INIP: variants seen among roughly 807,000 people sequenced by gnomAD.
INIP encodes the protein INTS3 and NABP interacting protein.
Under a neutral mutation model 14.0 loss-of-function variants are expected in INIP, and 9 were observed. That is an observed-to-expected ratio of 0.64 (90% CI 0.39 to 1.12). The LOEUF (loss-of-function observed/expected upper bound fraction) is 1.12, where lower values mean the gene tolerates loss of function less well. Among genes scored for constraint, INIP ranks in the 50% most tolerant of loss-of-function variants. The pLI, the probability that INIP is intolerant of heterozygous loss-of-function variation, is 0.01. For synonymous variants in INIP, 37 were observed against 41.5 expected (o/e 0.89, Z 0.41); for missense variants, 78 against 122.7 (o/e 0.64, Z 1.72).
intron 3 of INIP, among the ~76,000 whole-genome samples, chr9:112,692,108 TA>T (rs1462805878): frequency 2.0e-5 from 3 of 152,234 alleles, no homozygotes; most frequent in Non-Finnish European, 4.4e-5. Context: ...CTGCCAGATT[TA>T]ACCCGGGAAG....
intron 2 of INIP, chr9:112,701,870 C>T (rs1005357048): frequency 2.7e-5 from 4 of 149,966 alleles, no homozygotes; most frequent in Non-Finnish European, 5.9e-5. Flanking sequence ...GGCAACACAG[C>T]GAGACCTTGT....
chr9:112,696,548 A>G (rs79567860), intron 2 of INIP, among the ~76,000 whole-genome samples: 1 of 152,200 alleles, frequency 6.6e-6, no homozygotes, highest in Non-Finnish European at 1.5e-5. Flanking sequence ...CTATAATTCA[A>G]TTCTGATACT....
chr9:112,710,740 A>G (rs1838622260), intron 2 of INIP, among the ~76,000 whole-genome samples: 1 of 152,250 alleles, frequency 6.6e-6, no homozygotes, highest in Admixed American at 6.5e-5. Context: ...TTACATTAAT[A>G]AATTACAACA....
chr9:112,701,667 T>C (rs1037920970), intron 2 of INIP: 1 of 152,188 alleles, frequency 6.6e-6, no homozygotes, highest in Non-Finnish European at 1.5e-5. Context: ...TATTGTCAAC[T>C]AAAGGACAAG....
chr9:112,698,303 C>CAA (rs755265359), intron 2 of INIP, among the ~76,000 whole-genome samples: 3,093 of 43,348 alleles, frequency 0.071, 247 homozygotes, highest in East Asian at 0.093. Context: ...GACTCTGTCT[C>CAA]AAAAAAAAAA....
At chr9:112,694,540 A>C (rs1259127449) in intron 2 of INIP, among the ~76,000 whole-genome samples, 5 of 152,242 alleles carry the variant, frequency 3.3e-5, no homozygotes, top group African/African-American at 1.2e-4. Flanking sequence ...CCAAGGTATA[A>C]GTTACAGCAT....
At chr9:112,717,243 C>T (rs1838853872) in intron 1 of INIP, among the ~76,000 whole-genome samples, 2 of 152,162 alleles carry the variant, frequency 1.3e-5, no homozygotes, top group African/African-American at 4.8e-5. Context: ...TACCCAAAAA[C>T]TACTGTGTAC....
chr9:112,707,240 C>CT (rs745697280), intron 2 of INIP, among the ~76,000 whole-genome samples: 2,504 of 124,256 alleles, frequency 0.02, 27 homozygotes, highest in East Asian at 0.035. Context: ...TGCCCGGCCT[C>CT]TTTTTTTTTT....
chr9:112,712,501 C>A (rs965649484), intron 2 of INIP, among the ~76,000 whole-genome samples: 1 of 151,940 alleles, frequency 6.6e-6, no homozygotes, highest in Admixed American at 6.5e-5. Context: ...TCAACAAAAA[C>A]CAACTCCAAG....
intron 2 of INIP, among the ~76,000 whole-genome samples, chr9:112,711,810 A>T (rs1838656520): frequency 6.6e-6 from 1 of 152,226 alleles, no homozygotes; most frequent in South Asian, 2.1e-4. Context: ...CTATAATTCT[A>T]CGAAACTCAT....
In INIP at chr9:112,686,273, A is replaced by G. The variant is rs570594298; in HGVS notation, c.*1265T>C. 190 of 152,276 alleles carry G rather than the reference A, an allele frequency of 1.2e-3. 3 individuals carry two copies. Among genetic ancestry groups the G allele is most frequent in the African/African-American group, 4.5e-3 (186 of 41,552 alleles). The allele number at this position is 152,276 out of a possible 1,614,324, so 9.4% of individuals were successfully genotyped here. A position where few individuals can be genotyped will look rare whatever the true frequency, so the allele number is the denominator to read the frequency against. On this transcript the variant is annotated 3_prime_UTR_variant, in exon 5 of 5. Coordinates refer to ENST00000374242, the MANE Select transcript of INIP (RefSeq NM_021218.3). ...GATCTACAAACCCATGCGTGTATAA[A>G]TATATCACGAAAATCTGTACAAGAT... is the stretch of plus-strand genomic sequence containing the variant.
Position 112,687,387 on chromosome 9 carries a change from T to C in INIP, c.*151A>G. The C allele has an allele frequency of 3.6e-6, 2 of 549,418 alleles. No individual in the cohort carries two copies. Among genetic ancestry groups the C allele is most frequent in the Non-Finnish European group, 6.7e-6 (2 of 300,576 alleles). The allele number at this position is 549,418 out of a possible 1,614,324, so 34.0% of individuals were successfully genotyped here. ...TCTCATCATCCTGGTTATTCTTCTT[T>C]CAGCTTTCACTTACACATTCCTTTC... On this transcript the variant is annotated 3_prime_UTR_variant, in exon 5 of 5. Coordinates refer to ENST00000374242, the MANE Select transcript of INIP (RefSeq NM_021218.3).
At chr9:112,699,749 T>A (rs915081412) in intron 2 of INIP, among the ~76,000 whole-genome samples, 13 of 152,098 alleles carry the variant, frequency 8.5e-5, no homozygotes, top group Admixed American at 2.6e-4. Flanking sequence ...GGGTGGCAAC[T>A]CTAAAAACGC....
At chr9:112,704,059 G>A (rs981479189) in intron 2 of INIP, among the ~76,000 whole-genome samples, 4 of 152,108 alleles carry the variant, frequency 2.6e-5, no homozygotes, top group Admixed American at 6.5e-5. Flanking sequence ...ATGAAGTATA[G>A]CCGTATACTT....
chr9:112,689,378 T>G lies in INIP; in HGVS notation c.219+149A>C, dbSNP rs1837796917. The stretch of plus-strand genomic sequence containing the variant: ...TGCTGCACTGGTCCTTCAAATCCTC[T>G]GGGCTTGACTGAACATCAGCAAACC... On this transcript the variant is annotated intron_variant, in intron 4 of 4. Transcript: ENST00000374242. 4.6e-6 allele frequency: 3 copies of G among 645,416 alleles called. No homozygotes were observed. The East Asian group carries it at 8.3e-5, about 18-fold the overall frequency. 40.0% of individuals were successfully genotyped at this position (645,416 alleles called of 1,614,324 possible).
Position 112,686,069 on chromosome 9 carries a change from A to C in INIP, c.*1469T>G, listed in dbSNP as rs1347927464. The C allele has an allele frequency of 1.3e-5, 2 of 152,146 alleles. No homozygotes were observed. Among genetic ancestry groups the C allele is most frequent in the Non-Finnish European group, 2.9e-5 (2 of 68,028 alleles). 9.4% of individuals were successfully genotyped at this position (152,146 alleles called of 1,614,324 possible). ...AGAACTTTCACTAAATATTGACCCAAACTGGAATTTTCAGTTTTACGCTAC... is the reference window on the plus strand; with the variant it reads ...AGAACTTTCACTAAATATTGACCCACACTGGAATTTTCAGTTTTACGCTAC... On this transcript the variant is annotated 3_prime_UTR_variant, in exon 5 of 5. Transcript: ENST00000374242.
Position 112,686,422 on chromosome 9 carries a change from A to G in INIP, c.*1116T>C, listed in dbSNP as rs1227292607. 6.6e-6 allele frequency: 1 copy of G among 152,184 alleles called. No homozygotes were observed. The highest frequency in any genetic ancestry group is 1.5e-5 in the Non-Finnish European group (1 of 68,028). The allele number at this position is 152,184 out of a possible 1,614,324, so 9.4% of individuals were successfully genotyped here. A position where few individuals can be genotyped will look rare whatever the true frequency, so the allele number is the denominator to read the frequency against. On this transcript the variant is annotated 3_prime_UTR_variant, in exon 5 of 5. Coordinates refer to ENST00000374242, the MANE Select transcript of INIP (RefSeq NM_021218.3). ...ATAAGCACCCCAGATACTGCTAAAG[A>G]TGGGTCATGTTGAGAGACTTTCTTA...
chr9:112,691,883 G>A lies in INIP; in HGVS notation c.128+2248C>T, dbSNP rs113923395. On this transcript the variant is annotated intron_variant, in intron 3 of 4. Transcript: ENST00000374242. ...AAGTTTGCTGGGTGTGGTGGGGTACGCCTGTAATCCCAGCTACTTGGGAGG... is the reference window on the plus strand; with the variant it reads ...AAGTTTGCTGGGTGTGGTGGGGTACACCTGTAATCCCAGCTACTTGGGAGG... 1.3e-3 allele frequency among the ~76,000 whole-genome samples: 194 copies of A among 152,212 alleles called. 1 individual carries two copies. Among genetic ancestry groups the A allele is most frequent in the African/African-American group, 4.2e-3 (173 of 41,540 alleles).
intron 4 of INIP, among the ~76,000 whole-genome samples, chr9:112,688,191 A>C (rs866393593): frequency 3.9e-5 from 6 of 152,326 alleles, no homozygotes; most frequent in Middle Eastern, 3.4e-3. Flanking sequence ...AATCTGGGTC[A>C]ACAAGTTACA....
Sources: gnomAD v4.1 joint callset for allele counts (sites outside exome capture counted in the v4.1 genomes callset) on GRCh38, gnomAD v4.1.1 for gene constraint, MANE v1.5 for transcripts, NCBI Gene and HGNC (gene_info 2026-07-23, HGNC 2026-07-21) for gene names.